Variants in NOVA1 observed in about 807,000 individuals in gnomAD.
NOVA1 encodes the protein NOVA alternative splicing regulator 1.
A neutral mutation model predicts 38.0 loss-of-function variants in NOVA1; 7 were observed. The ratio of observed to expected loss-of-function variants is 0.18; its 90% CI spans 0.10 to 0.35. The LOEUF (loss-of-function observed/expected upper bound fraction) is 0.35. NOVA1 is among the 10% of genes least tolerant of loss of function. NOVA1 has a pLI of 1.00. For synonymous variants in NOVA1, 270 were observed against 232.5 expected, an observed-to-expected ratio of 1.16 and a Z score of -1.47; for missense variants, 460 against 616.0, an observed-to-expected ratio of 0.75 and a Z score of 2.68.
At chr14:26,596,963 T>C in intron 1 of NOVA1, 1 of 1,210,388 alleles carries the variant, frequency 8.3e-7, no homozygotes, top group Non-Finnish European at 1.0e-6. Flanking sequence ...GGGGTCATCC[T>C]CCTCCTCCTC....
chr14:26,596,957 T>C, intron 1 of NOVA1: 1 of 1,211,646 alleles, frequency 8.3e-7, no homozygotes, highest in Non-Finnish European at 1.0e-6. Context: ...CACTCCGGGG[T>C]CATCCTCCTC....
intron 2 of NOVA1, among the ~76,000 whole-genome samples, chr14:26,561,217 A>G (rs1891801903): frequency 6.6e-6 from 1 of 152,224 alleles, no homozygotes; most frequent in Admixed American, 6.5e-5. Flanking sequence ...TTAGCAGGCC[A>G]CAGACCGGAC....
At chr14:26,568,634 T>C (rs1012384257) in intron 2 of NOVA1, among the ~76,000 whole-genome samples, 1 of 152,086 alleles carries the variant, frequency 6.6e-6, no homozygotes, top group East Asian at 1.9e-4. Context: ...GACCAGAAAC[T>C]AATAAAACCT....
intron 2 of NOVA1, among the ~76,000 whole-genome samples, chr14:26,491,444 C>T (rs1886343167): frequency 6.6e-6 from 1 of 152,104 alleles, no homozygotes; most frequent in Non-Finnish European, 1.5e-5. Context: ...TCCTTTGATG[C>T]ACAGAAGTTT....
At chr14:26,559,653 T>C (rs1258226913) in intron 2 of NOVA1, among the ~76,000 whole-genome samples, 1 of 152,108 alleles carries the variant, frequency 6.6e-6, no homozygotes, top group East Asian at 1.9e-4. Context: ...AAACAAATAT[T>C]GCATGTTCTC....
chr14:26,544,564 T>C (rs1244246608), intron 2 of NOVA1, among the ~76,000 whole-genome samples: 1 of 152,006 alleles, frequency 6.6e-6, no homozygotes, highest in Non-Finnish European at 1.5e-5. Flanking sequence ...TTGAGCAAGG[T>C]TGATGTAGAA....
At chr14:26,584,481 C>T (rs1893401440) in intron 2 of NOVA1, among the ~76,000 whole-genome samples, 1 of 151,292 alleles carries the variant, frequency 6.6e-6, no homozygotes, top group South Asian at 2.1e-4. Flanking sequence ...TTCTTGCTAA[C>T]GAATATATCT....
intron 2 of NOVA1, among the ~76,000 whole-genome samples, chr14:26,582,072 G>C (rs187026156): frequency 6.6e-6 from 1 of 151,924 alleles, no homozygotes; most frequent in East Asian, 1.9e-4. Flanking sequence ...TATTAACTGT[G>C]ATAGAGTCAG....
At chr14:26,470,051 C>A in intron 4 of NOVA1, 1 of 399,318 alleles carries the variant, frequency 2.5e-6, no homozygotes, top group Non-Finnish European at 3.6e-6. Flanking sequence ...TGAAACATGT[C>A]ATCATTTTTA....
chr14:26,502,606 GA>G (rs35977485), intron 2 of NOVA1, among the ~76,000 whole-genome samples: 36,104 of 126,386 alleles, frequency 0.29, 4,972 homozygotes, highest in African/African-American at 0.42. Context: ...CATGTTTCCA[GA>G]AAAAAAAAAA....
intron 1 of NOVA1, 112 bp downstream of exon 1, chr14:26,597,189 T>G (rs979904481): frequency 9.4e-7 from 1 of 1,066,704 alleles, no homozygotes; most frequent in Non-Finnish European, 1.2e-6. Context: ...GGGCTGGAGG[T>G]GTCCGGGCCG....
chr14:26,498,216 C>A lies in NOVA1; in HGVS notation c.281-18073G>T, dbSNP rs530519426. ...CTGGGACTACAGGCGCCCGCCACCACGCCCAGTTAATTTTTTTTTTTTTGT... is the reference window on the plus strand; with the variant it reads ...CTGGGACTACAGGCGCCCGCCACCAAGCCCAGTTAATTTTTTTTTTTTTGT... On this transcript the variant is annotated intron_variant, in intron 2 of 4. Coordinates refer to ENST00000539517, the MANE Select transcript of NOVA1 (RefSeq NM_002515.3). 2.5e-3 allele frequency among the ~76,000 whole-genome samples: 383 copies of A among 151,586 alleles called. 1 individual carries two copies. Among genetic ancestry groups the A allele is most frequent in the African/African-American group, 8.8e-3 (363 of 41,330 alleles).
intron 2 of NOVA1, among the ~76,000 whole-genome samples, chr14:26,484,448 A>C (rs912654244): frequency 2.4e-4 from 37 of 151,386 alleles, no homozygotes; most frequent in South Asian, 1.0e-3. Flanking sequence ...AAAAAAAAAA[A>C]AAAAAAAAAA....
At chr14:26,501,242 C>G (rs1413315423) in intron 2 of NOVA1, among the ~76,000 whole-genome samples, 1 of 151,890 alleles carries the variant, frequency 6.6e-6, no homozygotes, top group Non-Finnish European at 1.5e-5. Context: ...TAGGCAGGAT[C>G]CTTATTACTT....
rs541051293 is a variant in NOVA1, at chr14:26,488,494, T to C, written c.281-8351A>G. On this transcript the variant is annotated intron_variant, in intron 2 of 4. Transcript: ENST00000539517. ...CTGAAGAACCCTGAAAACAGATATA[T>C]CTGAAAATTTTATATAACAACTGCA... Among the ~76,000 whole-genome samples, 5 of 152,290 alleles carry C rather than the reference T, an allele frequency of 3.3e-5. No individual in the cohort carries two copies. In the East Asian group the frequency reaches 9.6e-4, roughly 29 times the overall value.
intron 2 of NOVA1, among the ~76,000 whole-genome samples, chr14:26,573,243 C>T (rs1892601726): frequency 6.6e-6 from 1 of 152,048 alleles, no homozygotes; most frequent in Non-Finnish European, 1.5e-5. Context: ...ATGATGGTTA[C>T]ATGACTGAAA....
At chr14:26,565,954 GAGAA>G (rs899342104) in intron 2 of NOVA1, among the ~76,000 whole-genome samples, 28 of 152,054 alleles carry the variant, frequency 1.8e-4, no homozygotes, top group African/African-American at 9.7e-5. Context: ...TTTAAATGAG[GAGAA>G]AGAAAGAGAA....
intron 2 of NOVA1, among the ~76,000 whole-genome samples, chr14:26,527,606 C>T (rs1385210908): frequency 6.6e-6 from 1 of 152,068 alleles, no homozygotes; most frequent in Non-Finnish European, 1.5e-5. Context: ...GCAAAGGGAA[C>T]TCTGGAGCCT....
At chr14:26,540,842 G>T (rs796168099) in intron 2 of NOVA1, among the ~76,000 whole-genome samples, 3 of 152,128 alleles carry the variant, frequency 2.0e-5, no homozygotes, top group Non-Finnish European at 4.4e-5. Flanking sequence ...ATCCTCCATG[G>T]AAAGCACAAA....
Sources: allele counts gnomAD v4.1 joint callset (sites outside exome capture counted in the v4.1 genomes callset), GRCh38; gene constraint gnomAD v4.1.1; transcripts MANE v1.5; gene names NCBI Gene and HGNC (gene_info 2026-07-23, HGNC 2026-07-21).